Variants in CFH observed in about 807,000 individuals in gnomAD.
The protein encoded by CFH is H factor 1 (complement).
In CFH, 53 loss-of-function variants were observed where a neutral mutation model predicts 147.3. That is an observed-to-expected ratio of 0.36 (90% CI 0.29 to 0.45). The LOEUF (loss-of-function observed/expected upper bound fraction) is 0.45. CFH is among the 20% of genes least tolerant of loss of function. The pLI, the probability that CFH is intolerant of heterozygous loss-of-function variation, is 1.00. For missense variants in CFH, 1,380 were observed against 1,498.0 expected (o/e 0.92, Z 1.30); for synonymous variants, 536 against 489.4 (o/e 1.10, Z -1.26).
chr1:196,742,032 A>T lies in CFH; in HGVS notation c.3114A>T (p.Thr1038=). 1 of 1,614,168 alleles carries T rather than the reference A, an allele frequency of 6.2e-7. No individual in the cohort carries two copies. Among genetic ancestry groups the T allele is most frequent in the East Asian group, 2.2e-5 (1 of 44,874 alleles). Residue 1038 remains threonine (T), a synonymous_variant, in exon 19 of 22, where the codon ACA becomes ACT. Coordinates refer to ENST00000367429, the MANE Select transcript of CFH (RefSeq NM_000186.4). ...TAACATGCATTAATAGCAGATGGAC[A>T]GGAAGGCCAACATGCAGAGGTACTT... ...SNVTCINSRW[T]GRPTCRDTSC...
At chr1:196,686,455 G>A (rs189502678) in intron 7 of CFH, among the ~76,000 whole-genome samples, 1 of 151,984 alleles carries the variant, frequency 6.6e-6, no homozygotes, top group Admixed American at 6.6e-5. Context: ...TTTATTTCTG[G>A]GATGCTCCTT....
chr1:196,735,187 G>T (rs1669372218), intron 15 of CFH, among the ~76,000 whole-genome samples: 1 of 152,046 alleles, frequency 6.6e-6, no homozygotes, highest in African/African-American at 2.4e-5. Context: ...CTTGTGGTTT[G>T]TCTGTTGATG....
intron 21 of CFH, among the ~76,000 whole-genome samples, chr1:196,746,296 A>G (rs925776522): frequency 6.6e-6 from 1 of 151,934 alleles, no homozygotes; most frequent in African/African-American, 2.4e-5. Context: ...AATACAAAAT[A>G]ATAATAATAA....
intron 1 of CFH, among the ~76,000 whole-genome samples, chr1:196,656,320 A>G (rs560105094): frequency 3.0e-4 from 46 of 151,246 alleles, no homozygotes; most frequent in African/African-American, 1.0e-3. Flanking sequence ...AAAAAAAAAA[A>G]AAAGAAAGAA....
intron 9 of CFH, among the ~76,000 whole-genome samples, chr1:196,710,129 C>CCACA (rs1668690936): frequency 6.6e-6 from 1 of 152,092 alleles, no homozygotes; most frequent in African/African-American, 2.4e-5. Flanking sequence ...GTTCCACATC[C>CCACA]TGGTGACTTC....
chr1:196,687,781 C>T (rs545756356), intron 7 of CFH, among the ~76,000 whole-genome samples: 20 of 151,970 alleles, frequency 1.3e-4, no homozygotes, highest in African/African-American at 4.6e-4. Flanking sequence ...TAGAATGTTA[C>T]TTAAAAGAAA....
At chr1:196,700,757 AG>A (rs1191206350) in intron 9 of CFH, 1 of 937,630 alleles carries the variant, frequency 1.1e-6, no homozygotes, top group African/African-American at 1.8e-5. Context: ...GCTGACCCAG[AG>A]AGAAGCTCAA....
chr1:196,658,692 T>G (rs1008131206), intron 1 of CFH, among the ~76,000 whole-genome samples: 1 of 152,042 alleles, frequency 6.6e-6, no homozygotes, highest in African/African-American at 2.4e-5. Flanking sequence ...CCCAAAGTGC[T>G]GGGATTACAG....
chr1:196,745,033 G>A (rs2336224), intron 20 of CFH, among the ~76,000 whole-genome samples: 1 of 152,246 alleles, frequency 6.6e-6, no homozygotes, highest in South Asian at 2.1e-4. Context: ...GAAAAACTCA[G>A]CATCATTTGA....
chr1:196,709,901 C>G (rs187556280), intron 9 of CFH, among the ~76,000 whole-genome samples: 1 of 152,068 alleles, frequency 6.6e-6, no homozygotes, highest in African/African-American at 2.4e-5. Flanking sequence ...ACCAGCTGCT[C>G]AGGAGATCTG....
chr1:196,664,955 T>C lies in CFH; in HGVS notation c.59-8023T>C, dbSNP rs181830866. On this transcript the variant is annotated intron_variant, in intron 1 of 21. Coordinates refer to ENST00000367429, the MANE Select transcript of CFH (RefSeq NM_000186.4). ...TTTAGTGAAGTAATAGTCATTTATA[T>C]TTCAGTTTTATTTAATAATAATATT... is the stretch of plus-strand genomic sequence containing the variant. Among the ~76,000 whole-genome samples, 401 of 152,032 alleles carry C rather than the reference T, an allele frequency of 2.6e-3. 2 individuals are homozygous for C. Among genetic ancestry groups the C allele is most frequent in the East Asian group, 0.014 (71 of 5,186 alleles).
intron 10 of CFH, among the ~76,000 whole-genome samples, chr1:196,714,597 A>ATGTGTGTG (rs3043112): frequency 6.4e-4 from 66 of 103,930 alleles, no homozygotes; most frequent in Middle Eastern, 4.9e-3. Flanking sequence ...ACTCAGTAAT[A>ATGTGTGTG]TGTGTGTGTG....
chr1:196,726,716 T>C (rs1459326615), intron 13 of CFH, 45 bp from the exon 14 acceptor site: 5 of 1,604,188 alleles, frequency 3.1e-6, no homozygotes, highest in Admixed American at 1.7e-5. Flanking sequence ...CTAAAACACA[T>C]ACATCATGTT....
At chr1:196,745,694 C>A (rs1037329925) in intron 20 of CFH, 123 bp from the exon 21 acceptor site, 3 of 1,384,420 alleles carry the variant, frequency 2.2e-6, no homozygotes, top group Non-Finnish European at 3.1e-6. Context: ...GGACTCATTT[C>A]TTTCACCAGA....
At chr1:196,681,853 T>G (rs1667669604) in intron 6 of CFH, among the ~76,000 whole-genome samples, 1 of 151,800 alleles carries the variant, frequency 6.6e-6, no homozygotes. Context: ...TATGACTATT[T>G]TCTTGGTACA....
intron 20 of CFH, 34 bp from the exon 21 acceptor site, chr1:196,745,783 A>C: frequency 6.2e-7 from 1 of 1,613,918 alleles, no homozygotes; most frequent in Non-Finnish European, 8.5e-7. Context: ...ATTTGCTCTC[A>C]CAACAAATCA....
At chr1:196,738,029 A>C (rs1027788031) in intron 17 of CFH, among the ~76,000 whole-genome samples, 2 of 152,082 alleles carry the variant, frequency 1.3e-5, no homozygotes, top group Non-Finnish European at 2.9e-5. Flanking sequence ...ATCATGGTGG[A>C]GGGAGAAGCA....
At chr1:196,692,901 CCCTTCCTT>C (rs71131720) in intron 9 of CFH, among the ~76,000 whole-genome samples, 14 of 70,722 alleles carry the variant, frequency 2.0e-4, no homozygotes, top group South Asian at 5.0e-4. Context: ...CTCCCTCCCT[CCCTTCCTT>C]CCTTCCTTCC....
intron 1 of CFH, among the ~76,000 whole-genome samples, chr1:196,664,080 A>ACCCTTTT (rs1666995324): frequency 6.6e-6 from 1 of 151,980 alleles, no homozygotes; most frequent in Non-Finnish European, 1.5e-5. Flanking sequence ...CTTTTGTGAC[A>ACCCTTTT]GGGTCTCACC....
Sources: gnomAD v4.1 joint callset for allele counts (sites outside exome capture counted in the v4.1 genomes callset) on GRCh38, gnomAD v4.1.1 for gene constraint, MANE v1.5 for transcripts, NCBI Gene and HGNC (gene_info 2026-07-23, HGNC 2026-07-21) for gene names.